Variants in DIPK1C observed in about 807,000 individuals in gnomAD.
DIPK1C encodes familial non-conventional Alzheimer's dementia.
In DIPK1C, 33 loss-of-function variants were observed where a neutral mutation model predicts 28.0. The observed-to-expected ratio is 1.18, with a 90% CI of 0.89 to 1.58. The LOEUF is 1.58. Ranked by LOEUF, DIPK1C falls within the 40% of genes most tolerant of loss-of-function variation. The pLI is 0.00. For missense variants in DIPK1C, 569 were observed against 568.5 expected, an observed-to-expected ratio of 1.00 and a Z score of -0.01; for synonymous variants, 255 against 248.8, an observed-to-expected ratio of 1.02 and a Z score of -0.23.
Position 74,446,784 on chromosome 18 carries a change from C to T in DIPK1C, c.698G>A (p.Arg233Lys), listed in dbSNP as rs552295990. ...GGCCCGGTCCAGGGGGAAGAGTGCC[C>T]TGTGGTGGGGGCTGCCCGCGGCCAG... ...EFLAAGSPHH[R>K]ALFPLDRAPG... is the part of the protein sequence containing the mutation. Residue 233 changes from arginine to lysine, a missense_variant, in exon 2 of 4, where the codon AGG (arginine) becomes AAG (lysine). Arg to Lys is a conservative substitution (Grantham distance 26). Coordinates refer to ENST00000343998, the MANE Select transcript of DIPK1C (RefSeq NM_001044369.3). The T allele has an allele frequency of 7.1e-4, 1,068 of 1,504,108 alleles. 1 individual carries two copies. Among genetic ancestry groups the T allele is most frequent in the Non-Finnish European group, 9.2e-4 (1,033 of 1,123,422 alleles). 93.2% of individuals were successfully genotyped at this position (1,504,108 alleles called of 1,614,324 possible). A position where few individuals can be genotyped will look rare whatever the true frequency, so the allele number is the denominator to read the frequency against.
upstream of DIPK1C, among the ~76,000 whole-genome samples, chr18:74,461,340 CTTCT>C (rs776610656): frequency 0.13 from 16,480 of 130,950 alleles, 1,147 homozygotes; most frequent in African/African-American, 0.15. Flanking sequence ...TCCTTCCTTC[CTTCT>C]TTCCTTCCTT....
At chr18:74,449,064 G>C (rs1986338232) in intron 1 of DIPK1C, among the ~76,000 whole-genome samples, 1 of 152,000 alleles carries the variant, frequency 6.6e-6, no homozygotes, top group South Asian at 2.1e-4. Context: ...AGCTGAAATT[G>C]TGCCACTGCA....
upstream of DIPK1C, among the ~76,000 whole-genome samples, chr18:74,461,344 TTTCCTTCCTTCCTTCCTTCC>T (rs35281614): frequency 5.9e-5 from 7 of 118,428 alleles, no homozygotes; most frequent in Non-Finnish European, 1.0e-4. Context: ...TCCTTCCTTC[TTTCCTTCCTTCCTTCCTTCC>T]TTCCTTCCTT....
chr18:74,462,676 A>C (rs909623837), upstream of DIPK1C, among the ~76,000 whole-genome samples: 1 of 152,120 alleles, frequency 6.6e-6, no homozygotes, highest in Non-Finnish European at 1.5e-5. Context: ...TAAAAAAAAA[A>C]AAAAAACTGC....
chr18:74,462,795 T>A (rs549554392), upstream of DIPK1C, among the ~76,000 whole-genome samples: 2 of 152,292 alleles, frequency 1.3e-5, no homozygotes, highest in South Asian at 2.1e-4. Flanking sequence ...CTTATAACCA[T>A]CCTAGAGGGT....
intron 3 of DIPK1C, among the ~76,000 whole-genome samples, chr18:74,437,248 C>A (rs900493782): frequency 6.6e-6 from 1 of 152,178 alleles, no homozygotes; most frequent in African/African-American, 2.4e-5. Flanking sequence ...GTATGGCTGC[C>A]TGTATAGCAC....
At chr18:74,440,436 C>T (rs541925287) in intron 3 of DIPK1C, among the ~76,000 whole-genome samples, 39 of 152,308 alleles carry the variant, frequency 2.6e-4, no homozygotes, top group African/African-American at 9.4e-4. Context: ...ATTACAATCA[C>T]GTTAACAATA....
chr18:74,463,634 G>T, the DIPK1C span, among the ~76,000 whole-genome samples: 23 of 152,152 alleles, frequency 1.5e-4, no homozygotes, highest in Admixed American at 1.5e-3. Context: ...GAAGATTCCT[G>T]TCAAGCCCAC....
upstream of DIPK1C, among the ~76,000 whole-genome samples, chr18:74,460,803 C>T (rs1242852736): frequency 6.6e-6 from 1 of 152,206 alleles, no homozygotes; most frequent in Non-Finnish European, 1.5e-5. Flanking sequence ...TTCATTCATT[C>T]ATTCATTCAA....
In DIPK1C at chr18:74,446,803, C is replaced by T. The variant is rs201797177; in HGVS notation, c.679G>A (p.Ala227Thr). 3.5e-5 allele frequency: 52 copies of T among 1,488,336 alleles called. 1 individual carries two copies. In the African/African-American group the frequency reaches 4.2e-4, roughly 12 times the overall value. 92.2% of individuals were successfully genotyped at this position (1,488,336 alleles called of 1,614,324 possible). ...AGTGCCCTGTGGTGGGGGCTGCCCG[C>T]GGCCAGGAACTCCACCGCGTAGAAG... ...GHFYAVEFLA[A>T]GSPHHRALFP... The change falls in exon 2 of 4, where the codon GCG becomes ACG. Residue 227 changes from alanine to threonine, a missense_variant. Physicochemically the swap from Ala to Thr is moderately conservative, Grantham distance 58. Coordinates refer to ENST00000343998, the MANE Select transcript of DIPK1C (RefSeq NM_001044369.3).
At chr18:74,440,090 G>A (rs571603413) in intron 3 of DIPK1C, among the ~76,000 whole-genome samples, 3 of 152,014 alleles carry the variant, frequency 2.0e-5, no homozygotes, top group East Asian at 1.9e-4. Flanking sequence ...GACTGCAGGC[G>A]CCCGCCACCT....
In DIPK1C at chr18:74,447,024, C is replaced by A; in HGVS notation, c.458G>T (p.Gly153Val). Reference protein sequence around the residue: ...PEAELLLMVAGEVKSALGLEL... With the variant: ...PEAELLLMVAVEVKSALGLEL... Reference sequence around the variant, plus strand: ...CAGGCCCAGAGCGCTCTTGACCTCCCCAGCCACCATCAGGAGGAGTTCGGC... The same window carrying A: ...CAGGCCCAGAGCGCTCTTGACCTCCACAGCCACCATCAGGAGGAGTTCGGC... The change falls in exon 2 of 4, where the codon GGG (glycine) becomes GTG (valine). Residue 153 changes from glycine to valine, a missense_variant. Physicochemically the swap from Gly to Val is moderately radical, Grantham distance 109. Coordinates refer to ENST00000343998, the MANE Select transcript of DIPK1C (RefSeq NM_001044369.3). The surrounding 1 kb of genome is among the most constrained non-coding windows in gnomAD (Gnocchi z 4.1). The A allele has an allele frequency of 6.5e-7, 1 of 1,547,280 alleles. No individual in the cohort carries two copies. Among genetic ancestry groups the A allele is most frequent in the Non-Finnish European group, 8.7e-7 (1 of 1,144,858 alleles).
chr18:74,443,473 T>TA (rs1392491703), intron 2 of DIPK1C, among the ~76,000 whole-genome samples: 3 of 152,228 alleles, frequency 2.0e-5, no homozygotes, highest in African/African-American at 7.2e-5. Context: ...TCTTCAATTC[T>TA]ACGCAGTCTG....
upstream of DIPK1C, among the ~76,000 whole-genome samples, chr18:74,461,912 C>A (rs1986623796): frequency 6.6e-6 from 1 of 151,788 alleles, no homozygotes; most frequent in Admixed American, 6.6e-5. Context: ...TACACCATCA[C>A]TCCCAGCTAA....
Position 74,435,857 on chromosome 18 carries a change from ACACT to A in DIPK1C, c.*640_*643del, listed in dbSNP as rs1312681577. 1 of 152,484 alleles carries A rather than the reference ACACT, an allele frequency of 6.6e-6. No homozygotes were observed. Among genetic ancestry groups the A allele is most frequent in the Admixed American group, 6.5e-5 (1 of 15,280 alleles). 9.4% of individuals were successfully genotyped at this position (152,484 alleles called of 1,614,324 possible). On this transcript the variant is annotated 3_prime_UTR_variant, in exon 4 of 4. Coordinates refer to ENST00000343998, the MANE Select transcript of DIPK1C (RefSeq NM_001044369.3). ...CCCCACCCTAACCCACATCCCCAAC[ACACT>A]CACCTGCCCACACTCACACAATCAC...
rs956364728 is a variant in DIPK1C at position 74,457,204 on chromosome 18, C to T, written c.56G>A (p.Arg19His). The T allele has an allele frequency of 4.3e-5, 51 of 1,194,726 alleles. No individual in the cohort carries two copies. Among genetic ancestry groups the T allele is most frequent in the Non-Finnish European group, 5.0e-5 (48 of 965,878 alleles). The allele number at this position is 1,194,726 out of a possible 1,614,324, so 74.0% of individuals were successfully genotyped here. A position where few individuals can be genotyped will look rare whatever the true frequency, so the allele number is the denominator to read the frequency against. The change falls in exon 1 of 4, where the codon CGC becomes CAC. Residue 19 changes from arginine (R) to histidine (H), a missense_variant. Coordinates refer to ENST00000343998, the MANE Select transcript of DIPK1C (RefSeq NM_001044369.3). ...GGCGAGGAGCGTGCCCCGCCCGCAG[C>T]GCCCGCGCCTCCTGCACCACCCGGC... Reference protein sequence around the residue: ...GPAGWCRRRGRCGRGTLLAFA... With the variant: ...GPAGWCRRRGHCGRGTLLAFA...
At chr18:74,461,308 TTTTC>T (rs1986612651), upstream of DIPK1C, among the ~76,000 whole-genome samples, 1 of 151,868 alleles carries the variant, frequency 6.6e-6, no homozygotes, top group East Asian at 1.9e-4. Flanking sequence ...GCCTCCTCTC[TTTTC>T]TTTTTTTCTT....
In DIPK1C at chr18:74,447,194, G is replaced by A. The variant is rs371938516; in HGVS notation, c.288C>T (p.His96=). 12 of 1,550,516 alleles carry A rather than the reference G, an allele frequency of 7.7e-6. No individual in the cohort carries two copies. In the South Asian group the frequency reaches 1.3e-4, roughly 17 times the overall value. The part of the protein sequence containing the change: ...AGELLFQRCL[H]YNRGKKVLQA... ...GCAGCACCTTCTTGCCTCTGTTGTA[G>A]TGCAGGCAGCGTTGGAACAGCAGCT... The change falls in exon 2 of 4, where the codon CAC becomes CAT. Residue 96 remains histidine (H), a synonymous_variant. Transcript: ENST00000343998. This position sits in a 1 kb window ranked among gnomAD's most constrained non-coding sequence, Gnocchi z 4.1.
At chr18:74,451,331 C>T (rs1035826917) in intron 1 of DIPK1C, among the ~76,000 whole-genome samples, 2 of 152,164 alleles carry the variant, frequency 1.3e-5, no homozygotes. Flanking sequence ...TACTTACACG[C>T]TTCCTACCCG....
Sources: allele counts gnomAD v4.1 joint callset (sites outside exome capture counted in the v4.1 genomes callset), GRCh38; gene constraint gnomAD v4.1.1; non-coding constraint Gnocchi (gnomAD v3.1); transcripts MANE v1.5; gene names NCBI Gene and HGNC (gene_info 2026-07-23, HGNC 2026-07-21).